The following PCDH19 variants were observed in gnomAD, a reference collection of about 807,000 sequenced individuals.
PCDH19 encodes the protein protocadherin-19.
A neutral mutation model predicts 46.2 loss-of-function variants in PCDH19; 6 were observed. The observed-to-expected ratio is 0.13, with a 90% CI of 0.07 to 0.26. The LOEUF is 0.26. Among genes scored for constraint, PCDH19 ranks in the 10% least tolerant of loss-of-function variants. The pLI, the probability that PCDH19 is intolerant of heterozygous loss-of-function variation, is 1.00. For synonymous variants in PCDH19, 481 were observed against 415.7 expected, an observed-to-expected ratio of 1.16 and a Z score of -1.91; for missense variants, 740 against 972.3, an observed-to-expected ratio of 0.76 and a Z score of 3.18.
chrX:100,335,543 A>C (rs965118856), intron 5 of PCDH19, among the ~76,000 whole-genome samples: 1 of 112,273 alleles, frequency 8.9e-6, no homozygotes, highest in Non-Finnish European at 1.9e-5. Context: ...CAGTCTTTTC[A>C]TATTGCTTCT....
In PCDH19 at chrX:100,292,693, G is replaced by T. The variant is rs1924462767; in HGVS notation, c.*3584C>A. On this transcript the variant is annotated 3_prime_UTR_variant, in exon 6 of 6. Coordinates refer to ENST00000373034, the MANE Select transcript of PCDH19 (RefSeq NM_001184880.2). ...AACATCTCAATACACTTCAGTGTCAGCAGATACAATTTGACTCATGAAATG... is the reference window on the plus strand; with the variant it reads ...AACATCTCAATACACTTCAGTGTCATCAGATACAATTTGACTCATGAAATG... 1 of 111,935 alleles carries T rather than the reference G, an allele frequency of 8.9e-6. No individual in the cohort carries two copies. The highest frequency in any genetic ancestry group is 3.8e-4 in the South Asian group (1 of 2,666). 9.2% of individuals were successfully genotyped at this position (111,935 alleles called of 1,213,427 possible). A position where few individuals can be genotyped will look rare whatever the true frequency, so the allele number is the denominator to read the frequency against.
chrX:100,324,180 T>C (rs1335723466), intron 5 of PCDH19, among the ~76,000 whole-genome samples: 2 of 112,013 alleles, frequency 1.8e-5, no homozygotes, highest in Admixed American at 9.5e-5. Flanking sequence ...GACAATTAAG[T>C]ACCCTTAAGA....
chrX:100,347,158 C>G (rs890246218), intron 4 of PCDH19, among the ~76,000 whole-genome samples: 2 of 111,230 alleles, frequency 1.8e-5, no homozygotes, highest in Non-Finnish European at 3.8e-5. Flanking sequence ...CCTTTTCCCA[C>G]AGTTGAGATC....
intron 3 of PCDH19, among the ~76,000 whole-genome samples, chrX:100,392,695 G>T (rs187946419): frequency 8.9e-6 from 1 of 111,864 alleles, no homozygotes; most frequent in East Asian, 2.8e-4. Flanking sequence ...GTGCCTGGCA[G>T]AACAGAGGAG....
In PCDH19 at chrX:100,298,944, T is replaced by G. The variant is rs1225262589; in HGVS notation, c.2849-2069A>C. ...ACATCTTTAGGGCTTCCCAATAAGCTGTTTTTGCCTCTTCATCTCTTCCAA... is the reference window on the plus strand; with the variant it reads ...ACATCTTTAGGGCTTCCCAATAAGCGGTTTTTGCCTCTTCATCTCTTCCAA... On this transcript the variant is annotated intron_variant, in intron 5 of 5. Coordinates refer to ENST00000373034, the MANE Select transcript of PCDH19 (RefSeq NM_001184880.2). Among the ~76,000 whole-genome samples the G allele has an allele frequency of 3.6e-5, 4 of 111,811 alleles. No individual in the cohort carries two copies. In the South Asian group the frequency reaches 1.1e-3, roughly 31 times the overall value.
At chrX:100,323,076 C>T (rs1198795528) in intron 5 of PCDH19, among the ~76,000 whole-genome samples, 2 of 108,782 alleles carry the variant, frequency 1.8e-5, no homozygotes, top group Non-Finnish European at 3.8e-5. Flanking sequence ...TGTGATTCAA[C>T]TGAAGTGTTT....
intron 5 of PCDH19, among the ~76,000 whole-genome samples, chrX:100,316,724 C>A (rs1038119139): frequency 1.8e-5 from 2 of 111,646 alleles, no homozygotes; most frequent in Admixed American, 9.5e-5. Flanking sequence ...TAATAGTGCT[C>A]CTTTATTAGA....
At chrX:100,321,267 T>C (rs1366487612) in intron 5 of PCDH19, among the ~76,000 whole-genome samples, 1 of 111,981 alleles carries the variant, frequency 8.9e-6, no homozygotes, top group South Asian at 3.7e-4. Context: ...CGACTTCTTT[T>C]CCTCTAGATA....
chrX:100,358,951 C>T (rs186316914), intron 3 of PCDH19, among the ~76,000 whole-genome samples: 1 of 112,318 alleles, frequency 8.9e-6, no homozygotes, highest in African/African-American at 3.2e-5. Context: ...GGAGTCCAAT[C>T]GCCCTACCAA....
intron 5 of PCDH19, among the ~76,000 whole-genome samples, chrX:100,325,154 T>C (rs976053616): frequency 7.3e-5 from 7 of 95,268 alleles, no homozygotes; most frequent in African/African-American, 2.7e-4. Context: ...GATAGATAGA[T>C]AGATAGATAG....
At chrX:100,345,581 A>G (rs1926374593) in intron 4 of PCDH19, among the ~76,000 whole-genome samples, 1 of 111,699 alleles carries the variant, frequency 9.0e-6, no homozygotes, top group African/African-American at 3.3e-5. Flanking sequence ...CTTTTAAAAA[A>G]TTGATCATCT....
Position 100,322,861 on chromosome X carries a change from A to ATTT in PCDH19, c.2848+19041_2848+19042insAAA, listed in dbSNP as rs1157437894. ...TATATATATATATATATATATATAT[A>ATTT]TATATTTTTGCAGCTATTGTAAAAG... On this transcript the variant is annotated intron_variant, in intron 5 of 5. Transcript: ENST00000373034. 4.3e-4 allele frequency among the ~76,000 whole-genome samples: 19 copies of ATTT among 44,402 alleles called. 1 individual carries two copies. Among genetic ancestry groups the ATTT allele is most frequent in the African/African-American group, 1.2e-3 (11 of 9,332 alleles). The allele number at this position is 44,402 out of a possible 115,157, so 38.6% of individuals were successfully genotyped here.
intron 5 of PCDH19, among the ~76,000 whole-genome samples, chrX:100,321,439 T>C (rs773919822): frequency 1.8e-5 from 2 of 112,098 alleles, no homozygotes; most frequent in South Asian, 3.8e-4. Context: ...CTACTGTTTT[T>C]TGACTTTTTG....
intron 3 of PCDH19, among the ~76,000 whole-genome samples, chrX:100,360,584 T>C (rs1926852181): frequency 8.9e-6 from 1 of 112,361 alleles, no homozygotes; most frequent in African/African-American, 3.2e-5. Flanking sequence ...AAACAGATTA[T>C]TTATTTCTGA....
At chrX:100,352,181 T>C (rs901025702) in intron 3 of PCDH19, among the ~76,000 whole-genome samples, 6 of 112,023 alleles carry the variant, frequency 5.4e-5, no homozygotes, top group Admixed American at 4.7e-4. Flanking sequence ...GGTTGGGGGA[T>C]TAAAAATCAA....
chrX:100,303,033 T>C (rs1924831894), intron 5 of PCDH19, among the ~76,000 whole-genome samples: 1 of 111,374 alleles, frequency 9.0e-6, no homozygotes, highest in Admixed American at 9.6e-5. Context: ...AGGCGTAAAG[T>C]AAATTTAGAA....
intron 5 of PCDH19, among the ~76,000 whole-genome samples, chrX:100,300,834 C>T (rs1390061863): frequency 9.9e-6 from 1 of 101,410 alleles, no homozygotes; most frequent in Non-Finnish European, 2.0e-5. Context: ...AAAGTTTCTT[C>T]AATCTACATA....
chrX:100,319,641 T>A (rs1369331127), intron 5 of PCDH19, among the ~76,000 whole-genome samples: 1 of 112,054 alleles, frequency 8.9e-6, no homozygotes, highest in Non-Finnish European at 1.9e-5. Context: ...CCACTTCATA[T>A]GAATTAAGTC....
chrX:100,407,557 G>T lies in PCDH19; in HGVS notation c.1041C>A (p.Asn347Lys), dbSNP rs1182490407. The T allele has an allele frequency of 8.3e-7, 1 of 1,211,381 alleles. No individual in the cohort carries two copies. The highest frequency in any genetic ancestry group is 2.2e-5 in the Admixed American group (1 of 46,128). The change falls in exon 1 of 6, where the codon AAC becomes AAA. Residue 347 changes from asparagine (N) to lysine (K), a missense_variant. Physicochemically the swap from Asn to Lys is moderately conservative, Grantham distance 94 (BLOSUM62 0). Transcript: ENST00000373034. Reference sequence around the variant, plus strand: ...CAAGCTCACTGTTGACTGACAGCAGGTTGATGACCGGCGGATTGTCATTGG... The same window carrying T: ...CAAGCTCACTGTTGACTGACAGCAGTTTGATGACCGGCGGATTGTCATTGG... The part of the protein sequence containing the change: ...LDTNDNPPVI[N>K]LLSVNSELVE...
Sources: gnomAD v4.1 joint callset for allele counts (sites outside exome capture counted in the v4.1 genomes callset) on GRCh38, gnomAD v4.1.1 for gene constraint, MANE v1.5 for transcripts, NCBI Gene and HGNC (gene_info 2026-07-23, HGNC 2026-07-21) for gene names.